JARID2: variants seen among roughly 807,000 people sequenced by gnomAD.
The protein encoded by JARID2 is protein Jumonji.
In JARID2, 21 loss-of-function variants were observed where a neutral mutation model predicts 125.6. The observed-to-expected ratio is 0.17, with a 90% CI of 0.12 to 0.24. The LOEUF (loss-of-function observed/expected upper bound fraction) is 0.24. Among genes scored for constraint, JARID2 ranks in the 10% least tolerant of loss-of-function variants. The pLI is 1.00. For synonymous variants in JARID2, 736 were observed against 661.6 expected (o/e 1.11, Z -1.73); for missense variants, 1,303 against 1,639.6 (o/e 0.79, Z 3.55).
intron 2 of JARID2, among the ~76,000 whole-genome samples, chr6:15,402,227 C>A (rs1011215987): frequency 3.3e-5 from 5 of 152,092 alleles, no homozygotes; most frequent in Non-Finnish European, 7.4e-5. Flanking sequence ...GTACACAAAC[C>A]GATAACTTTA....
chr6:15,288,432 G>A (rs12204124), intron 1 of JARID2, among the ~76,000 whole-genome samples: 5,434 of 152,272 alleles, frequency 0.036, 152 homozygotes, highest in South Asian at 0.11. Flanking sequence ...GACACTTCCT[G>A]CCAGGCCCTG....
At chr6:15,344,473 A>G (rs974496142) in intron 1 of JARID2, among the ~76,000 whole-genome samples, 7 of 151,752 alleles carry the variant, frequency 4.6e-5, no homozygotes, top group African/African-American at 1.7e-4. Flanking sequence ...AAAAAAACCA[A>G]CGCAGCTGTA....
At position 15,356,967 on chromosome 6, in the gene JARID2, GTGCACCAC is replaced by G. The variant is rs1334046268; in HGVS notation, c.46-17144_46-17137del. Reference sequence around the variant, plus strand: ...AGGCAGAGGTTGCAGTGAGCTGAGAGTGCACCACTGCACTCCAGCCTGGACAACAGATT... The same window carrying G: ...AGGCAGAGGTTGCAGTGAGCTGAGAGTGCACTCCAGCCTGGACAACAGATT... On this transcript the variant is annotated intron_variant, in intron 1 of 17. Coordinates refer to ENST00000341776, the MANE Select transcript of JARID2 (RefSeq NM_004973.4). Among the ~76,000 whole-genome samples, 3 of 6,672 alleles carry G rather than the reference GTGCACCAC, an allele frequency of 4.5e-4. No homozygotes were observed. In the East Asian group the frequency reaches 0.028, roughly 63 times the overall value. The allele number at this position is 6,672 out of a possible 152,430, so 4.4% of individuals were successfully genotyped here. A position where few individuals can be genotyped will look rare whatever the true frequency, so the allele number is the denominator to read the frequency against.
intron 2 of JARID2, among the ~76,000 whole-genome samples, chr6:15,401,920 T>C (rs867565862): frequency 1.9e-5 from 2 of 105,150 alleles, no homozygotes; most frequent in Admixed American, 1.9e-4. Flanking sequence ...TTTTTTTTTT[T>C]ACTTTGAATG....
At chr6:15,364,355 C>T (rs1222662780) in intron 1 of JARID2, among the ~76,000 whole-genome samples, 1 of 152,196 alleles carries the variant, frequency 6.6e-6, no homozygotes, top group African/African-American at 2.4e-5. Flanking sequence ...GTGGATAGGA[C>T]TGGTTTTTGT....
At chr6:15,419,490 G>A (rs1026885747) in intron 3 of JARID2, among the ~76,000 whole-genome samples, 1 of 152,104 alleles carries the variant, frequency 6.6e-6, no homozygotes, top group Admixed American at 6.5e-5. Context: ...TTTGCTTGAA[G>A]GATTTTAACA....
intron 5 of JARID2, among the ~76,000 whole-genome samples, chr6:15,474,441 C>G (rs1412512663): frequency 1.4e-5 from 2 of 144,504 alleles, no homozygotes; most frequent in African/African-American, 5.2e-5. Context: ...GAACAGTCAT[C>G]AGGAACTTAG....
chr6:15,470,163 C>T (rs142649607), intron 5 of JARID2, among the ~76,000 whole-genome samples: 2,344 of 132,360 alleles, frequency 0.018, 69 homozygotes, highest in African/African-American at 0.065. Context: ...GGCGACAGAG[C>T]GAGACTCTGT....
At chr6:15,440,142 G>A (rs1043274439) in intron 3 of JARID2, among the ~76,000 whole-genome samples, 1 of 152,200 alleles carries the variant, frequency 6.6e-6, no homozygotes, top group African/African-American at 2.4e-5. Context: ...TAAGCCGTAC[G>A]CAATTAGATG....
intron 2 of JARID2, 116 bp from the exon 3 acceptor site, chr6:15,410,108 T>C: frequency 2.1e-6 from 2 of 933,698 alleles, no homozygotes; most frequent in Middle Eastern, 2.4e-4. Flanking sequence ...GCTTTTAAAT[T>C]CTCTTCTATC....
At chr6:15,357,698 C>T (rs887841136) in intron 1 of JARID2, among the ~76,000 whole-genome samples, 3 of 152,080 alleles carry the variant, frequency 2.0e-5, no homozygotes, top group African/African-American at 7.2e-5. Context: ...AATCTTTTCT[C>T]AAATCTTTAA....
intron 1 of JARID2, among the ~76,000 whole-genome samples, chr6:15,314,139 G>A (rs1581401583): frequency 6.6e-6 from 1 of 152,160 alleles, no homozygotes; most frequent in African/African-American, 2.4e-5. Flanking sequence ...GTTAGTGGAT[G>A]GCAGAGGCTG....
chr6:15,518,311 T>C lies in JARID2; in HGVS notation c.3558+1043T>C, dbSNP rs538238763. ...ACCTCTCACCAGCAGCCTGTTTCTG[T>C]AGTCGGATGTGTGACGTGACCAGAT... is the stretch of plus-strand genomic sequence containing the variant. On this transcript the variant is annotated intron_variant, in intron 17 of 17. Coordinates refer to ENST00000341776, the MANE Select transcript of JARID2 (RefSeq NM_004973.4). Among the ~76,000 whole-genome samples the C allele has an allele frequency of 2.0e-5, 3 of 152,294 alleles. No individual in the cohort carries two copies. The East Asian group carries it at 5.8e-4, about 29-fold the overall frequency.
Position 15,303,553 on chromosome 6 carries a change from A to G in JARID2, c.45+56969A>G, listed in dbSNP as rs186007137. Among the ~76,000 whole-genome samples, 720 of 152,340 alleles carry G rather than the reference A, an allele frequency of 4.7e-3. 13 individuals are homozygous for G. Among genetic ancestry groups the G allele is most frequent in the Admixed American group, 2.5e-3 (39 of 15,302 alleles). The stretch of plus-strand genomic sequence containing the variant: ...CAACATTTTTGTTCATAGGCTTTCT[A>G]TACATTTATTGGAAGCACTGTTTAA... On this transcript the variant is annotated intron_variant, in intron 1 of 17. Coordinates refer to ENST00000341776, the MANE Select transcript of JARID2 (RefSeq NM_004973.4).
intron 1 of JARID2, among the ~76,000 whole-genome samples, chr6:15,249,197 A>G (rs545791210): frequency 6.6e-6 from 1 of 152,204 alleles, no homozygotes; most frequent in African/African-American, 2.4e-5. Context: ...TTGTTGGAGG[A>G]CCGCGTTGTG....
intron 1 of JARID2, chr6:15,247,638 C>T: frequency 1.0e-6 from 1 of 984,558 alleles, no homozygotes; most frequent in Non-Finnish European, 1.2e-6. Context: ...AATATTTTCC[C>T]TTTTTGATCA....
At chr6:15,254,869 G>A (rs915368083) in intron 1 of JARID2, among the ~76,000 whole-genome samples, 17 of 151,854 alleles carry the variant, frequency 1.1e-4, no homozygotes, top group South Asian at 4.2e-4. Context: ...GTGAAACTCC[G>A]TCTCTACTAA....
chr6:15,248,248 C>T (rs1581317595), intron 1 of JARID2: 1 of 151,358 alleles, frequency 6.6e-6, no homozygotes, highest in Non-Finnish European at 1.3e-5. Context: ...TCGCGGCAGG[C>T]TGGGCCGGGG....
intron 4 of JARID2, among the ~76,000 whole-genome samples, chr6:15,465,976 G>A (rs1768712335): frequency 1.3e-5 from 2 of 152,008 alleles, no homozygotes; most frequent in Admixed American, 1.3e-4. Flanking sequence ...GCTAGTTTTT[G>A]TATTTTTAGT....
Sources: gnomAD v4.1 joint callset for allele counts (sites outside exome capture counted in the v4.1 genomes callset) on GRCh38, gnomAD v4.1.1 for gene constraint, MANE v1.5 for transcripts, NCBI Gene and HGNC (gene_info 2026-07-23, HGNC 2026-07-21) for gene names.